Variants in ANKRD12 observed in about 807,000 individuals in gnomAD.
ANKRD12 encodes the protein ankyrin repeat domain-containing protein 12.
A neutral mutation model predicts 183.4 loss-of-function variants in ANKRD12; 85 were observed. That is an observed-to-expected ratio of 0.46 (90% confidence interval 0.39 to 0.56). The LOEUF is 0.56. Ranked by LOEUF, ANKRD12 falls within the 20% of genes least tolerant of loss-of-function variation. The pLI is 0.00. For synonymous variants in ANKRD12, 914 were observed against 800.2 expected, an observed-to-expected ratio of 1.14 and a Z score of -2.40; for missense variants, 2,405 against 2,357.1, an observed-to-expected ratio of 1.02 and a Z score of -0.42.
chr18:9,262,786 C>CTTTTTTTTTTT lies in ANKRD12; in HGVS notation c.5665-1004_5665-1003insTTTTTTTTTTT, dbSNP rs775877613. Among the ~76,000 whole-genome samples, 6 of 87,932 alleles carry CTTTTTTTTTTT rather than the reference C, an allele frequency of 6.8e-5. 1 individual carries two copies. Among genetic ancestry groups the CTTTTTTTTTTT allele is most frequent in the African/African-American group, 4.1e-5 (1 of 24,168 alleles). 57.7% of individuals were successfully genotyped at this position (87,932 alleles called of 152,430 possible). On this transcript the variant is annotated intron_variant, in intron 9 of 12. Transcript: ENST00000262126. ...AGCCACCATGCCCAGCCAAGATGTC[C>CTTTTTTTTTTT]CTTTTTTTTTTTTTTTTTTTTTTTT...
At chr18:9,189,353 A>G (rs1333066252) in intron 2 of ANKRD12, among the ~76,000 whole-genome samples, 1 of 152,270 alleles carries the variant, frequency 6.6e-6, no homozygotes. Flanking sequence ...TCTCCATAAC[A>G]TAAAAGTGCA....
At chr18:9,251,649 A>T (rs913092803) in intron 8 of ANKRD12, among the ~76,000 whole-genome samples, 2 of 151,936 alleles carry the variant, frequency 1.3e-5, no homozygotes, top group Non-Finnish European at 1.5e-5. Context: ...CAAAAATTAG[A>T]CATGCGTGGT....
intron 1 of ANKRD12, among the ~76,000 whole-genome samples, chr18:9,162,062 A>G (rs1394706688): frequency 6.6e-6 from 1 of 152,064 alleles, no homozygotes; most frequent in Non-Finnish European, 1.5e-5. Flanking sequence ...GTTATGGGGT[A>G]CATGTGCAGT....
chr18:9,255,942 C>T lies in ANKRD12; in HGVS notation c.2675C>T (p.Ala892Val), dbSNP rs2038587890. The change falls in exon 9 of 13, where the codon GCT becomes GTT. Residue 892 changes from alanine (A) to valine (V), a missense_variant. By Grantham distance (64) the Ala-to-Val change is moderately conservative (BLOSUM62 0). Around this residue, in one of 7 missense-constraint regions of ANKRD12, gnomAD observed 1,983 missense variants for 1,725.9 expected, o/e 1.15. Transcript: ENST00000262126. ...HKEGEKSKNT[A>V]AIKKTDDREK... The stretch of plus-strand genomic sequence containing the variant: ...GAAGGTGAGAAGAGCAAAAATACTG[C>T]TGCTATTAAAAAAACTGACGACAGA... 2 of 1,580,324 alleles carry T rather than the reference C, an allele frequency of 1.3e-6. No homozygotes were observed. Among genetic ancestry groups the T allele is most frequent in the South Asian group, 1.2e-5 (1 of 83,488 alleles).
intron 8 of ANKRD12, among the ~76,000 whole-genome samples, chr18:9,224,975 G>A (rs1197328948): frequency 6.6e-6 from 1 of 152,104 alleles, no homozygotes; most frequent in Non-Finnish European, 1.5e-5. Flanking sequence ...GGTGGCATGT[G>A]CCTGCAATTC....
At chr18:9,204,672 G>A (rs370484988) in intron 4 of ANKRD12, 128 bp downstream of exon 4, 13 of 677,990 alleles carry the variant, frequency 1.9e-5, no homozygotes, top group Admixed American at 7.4e-5. Context: ...AATGAACTAC[G>A]TGGGTGACAC....
intron 2 of ANKRD12, among the ~76,000 whole-genome samples, chr18:9,194,748 A>G (rs2034670656): frequency 6.6e-6 from 1 of 152,228 alleles, no homozygotes; most frequent in Admixed American, 6.5e-5. Flanking sequence ...ACATCTAGAT[A>G]TAATGGTTCT....
At chr18:9,234,534 A>G (rs1279521806) in intron 8 of ANKRD12, among the ~76,000 whole-genome samples, 1 of 152,116 alleles carries the variant, frequency 6.6e-6, no homozygotes, top group Non-Finnish European at 1.5e-5. Flanking sequence ...GAGTTAGAGT[A>G]CCAGAAACCC....
Position 9,255,989 on chromosome 18 carries a change from G to A in ANKRD12, c.2722G>A (p.Asp908Asn). 2 of 1,565,428 alleles carry A rather than the reference G, an allele frequency of 1.3e-6. No homozygotes were observed. Among genetic ancestry groups the A allele is most frequent in the Non-Finnish European group, 1.7e-6 (2 of 1,164,684 alleles). Residue 908 changes from aspartate to asparagine, a missense_variant, in exon 9 of 13, where the codon GAT (aspartate) becomes AAT (asparagine). Physicochemically the swap from Asp to Asn is conservative, Grantham distance 23 (BLOSUM62 1). Coordinates refer to ENST00000262126, the MANE Select transcript of ANKRD12 (RefSeq NM_015208.5). ...CAGAGAGAAAAGTAGAGAAAAGATG[G>A]ATAGGAAACATGACAAAGAAAAGCC... ...DDREKSREKM[D>N]RKHDKEKPEK... is the part of the protein sequence containing the mutation.
chr18:9,157,585 G>GTGTATATATATATATA (rs1472659778), intron 1 of ANKRD12, among the ~76,000 whole-genome samples: 1 of 92,706 alleles, frequency 1.1e-5, no homozygotes, highest in African/African-American at 5.3e-5. Context: ...GTGTGTGTGT[G>GTGTATATATATATATA]TATATATATA....
At chr18:9,153,520 A>G (rs1240812649) in intron 1 of ANKRD12, among the ~76,000 whole-genome samples, 2 of 152,174 alleles carry the variant, frequency 1.3e-5, no homozygotes. Context: ...CATTTATCAA[A>G]TATTGAATTT....
At chr18:9,142,865 CAG>C (rs1183345251) in intron 1 of ANKRD12, among the ~76,000 whole-genome samples, 1 of 136,506 alleles carries the variant, frequency 7.3e-6, no homozygotes, top group Non-Finnish European at 1.6e-5. Flanking sequence ...GCCTGGGAGA[CAG>C]AGTGATACTG....
At chr18:9,197,464 C>A (rs988358351) in intron 3 of ANKRD12, among the ~76,000 whole-genome samples, 1 of 152,214 alleles carries the variant, frequency 6.6e-6, no homozygotes, top group Non-Finnish European at 1.5e-5. Context: ...CCTTTTTCCC[C>A]CTTCACACAG....
At chr18:9,137,037 G>C (rs2078123270) in intron 1 of ANKRD12, 72 bp downstream of exon 1, 1 of 152,544 alleles carries the variant, frequency 6.6e-6, no homozygotes, top group African/African-American at 2.4e-5. Context: ...CTTGTCCCCG[G>C]CGCCAGGGAG....
intron 7 of ANKRD12, among the ~76,000 whole-genome samples, chr18:9,218,212 G>C (rs554880872): frequency 6.6e-6 from 1 of 152,318 alleles, no homozygotes; most frequent in South Asian, 2.1e-4. Context: ...CATAGCTGCA[G>C]AATATTTCCA....
intron 8 of ANKRD12, among the ~76,000 whole-genome samples, chr18:9,246,485 A>G (rs988483793): frequency 6.6e-6 from 1 of 152,074 alleles, no homozygotes; most frequent in African/African-American, 2.4e-5. Context: ...TATTTCCATT[A>G]TTTATTTGAA....
At chr18:9,143,734 A>G (rs1208021677) in intron 1 of ANKRD12, among the ~76,000 whole-genome samples, 1 of 152,206 alleles carries the variant, frequency 6.6e-6, no homozygotes, top group African/African-American at 2.4e-5. Context: ...TGCTGGGATT[A>G]CAGGCGTGAG....
Position 9,208,637 on chromosome 18 carries a change from A to G in ANKRD12, c.305-20A>G, listed in dbSNP as rs777820413. ...ACTTGGATTTGTTTCAAATTCTTAC[A>G]TATTTGTTAATAATTCCAGAGAAAG... On this transcript the variant is annotated intron_variant, in intron 4 of 12. Coordinates refer to ENST00000262126, the MANE Select transcript of ANKRD12 (RefSeq NM_015208.5). The G allele has an allele frequency of 7.6e-6, 12 of 1,586,660 alleles. No individual in the cohort carries two copies. The Admixed American group carries it at 1.5e-4, about 20-fold the overall frequency.
intron 3 of ANKRD12, among the ~76,000 whole-genome samples, chr18:9,199,970 T>C (rs2144490894): frequency 6.6e-6 from 1 of 152,286 alleles, no homozygotes; most frequent in African/African-American, 2.4e-5. Flanking sequence ...GAGATAATGG[T>C]CATATGTTAC....
Sources: gnomAD v4.1 joint callset for allele counts (sites outside exome capture counted in the v4.1 genomes callset) on GRCh38, gnomAD v4.1.1 for gene constraint, gnomAD v4.1.1 regional missense constraint, MANE v1.5 for transcripts, NCBI Gene and HGNC (gene_info 2026-07-23, HGNC 2026-07-21) for gene names.